PGM1: variants seen among roughly 807,000 people sequenced by gnomAD.
The protein encoded by PGM1 is phosphoglucomutase 1, also known as phosphoglucomutase-1.
PGM1 carries 52 observed loss-of-function variants against 55.6 expected under a neutral mutation model. The ratio of observed to expected loss-of-function variants is 0.94; its 90% CI spans 0.75 to 1.18. The LOEUF (loss-of-function observed/expected upper bound fraction) is 1.18, where lower values mean the gene tolerates loss of function less well. PGM1 is among the 50% of genes most tolerant of loss of function. The pLI is 0.00. For synonymous variants in PGM1, 287 were observed against 271.7 expected, an observed-to-expected ratio of 1.06 and a Z score of -0.55; for missense variants, 724 against 729.3, an observed-to-expected ratio of 0.99 and a Z score of 0.08.
chr1:63,623,329 G>C (rs1648932911), intron 1 of PGM1: 1 of 1,496,634 alleles, frequency 6.7e-7, no homozygotes, highest in Admixed American at 2.4e-5. Flanking sequence ...CATTGAGAGT[G>C]ATCGTCCATG....
intron 7 of PGM1, among the ~76,000 whole-genome samples, chr1:63,644,985 G>A (rs959801462): frequency 6.6e-6 from 1 of 152,308 alleles, no homozygotes; most frequent in South Asian, 2.1e-4. Flanking sequence ...TTAGAAACAC[G>A]TACCTGCACC....
intron 4 of PGM1, among the ~76,000 whole-genome samples, 191 bp downstream of exon 4, chr1:63,631,973 C>G (rs1221031655): frequency 6.6e-6 from 1 of 152,194 alleles, no homozygotes; most frequent in East Asian, 1.9e-4. Flanking sequence ...AGTAGAGACA[C>G]TCCTCGTGGT....
chr1:63,610,142 A>G (rs1266384644), intron 1 of PGM1, among the ~76,000 whole-genome samples: 1 of 152,244 alleles, frequency 6.6e-6, no homozygotes, highest in Non-Finnish European at 1.5e-5. Context: ...ATTCCAATAT[A>G]TGCTATATCA....
chr1:63,593,870 C>T, intron 1 of PGM1, 136 bp downstream of exon 1: 1 of 1,290,866 alleles, frequency 7.7e-7, no homozygotes, highest in Non-Finnish European at 9.7e-7. Context: ...TCCTCCCTCT[C>T]CTTCGCGCTC....
At position 63,634,939 on chromosome 1, in the gene PGM1, A is replaced by T; in HGVS notation, c.793A>T (p.Asn265Tyr). The T allele has an allele frequency of 1.2e-6, 2 of 1,614,044 alleles. No individual in the cohort carries two copies. The highest frequency in any genetic ancestry group is 1.7e-6 in the Non-Finnish European group (2 of 1,180,000). Reference sequence around the variant, plus strand: ...CTTTGGAGGCCACCACCCTGACCCCAACCTCACCTATGCAGCTGACCTGGT... The same window carrying T: ...CTTTGGAGGCCACCACCCTGACCCCTACCTCACCTATGCAGCTGACCTGGT... The part of the protein sequence containing the change: ...EDFGGHHPDP[N>Y]LTYAADLVET... The change falls in exon 5 of 11, where the codon AAC becomes TAC. Residue 265 changes from asparagine (N) to tyrosine (Y), a missense_variant. By Grantham distance (143) the Asn-to-Tyr change is moderately radical. Coordinates refer to ENST00000371084, the MANE Select transcript of PGM1 (RefSeq NM_002633.3).
rs397515423 is a variant in PGM1 at position 63,654,374 on chromosome 1, C to T, written c.1507C>T (p.Arg503Ter). 1.1e-5 allele frequency: 18 copies of T among 1,613,832 alleles called. No individual in the cohort carries two copies. Among genetic ancestry groups the T allele is most frequent in the East Asian group, 2.2e-5 (1 of 44,884 alleles). ...IFTDGSRIVF[R>*]LSGTGSAGAT... ...CACAGATGGTTCTCGAATCGTCTTC[C>T]GACTGAGCGGCACTGGGAGTGCCGG... is the stretch of plus-strand genomic sequence containing the variant. Residue 503 changes from arginine (R) to a stop codon, truncating the protein, a stop_gained, in exon 10 of 11, where the codon CGA becomes TGA. Coordinates refer to ENST00000371084, the MANE Select transcript of PGM1 (RefSeq NM_002633.3). LOFTEE classifies it high-confidence loss of function.
chr1:63,599,305 A>G (rs574140018), intron 1 of PGM1, among the ~76,000 whole-genome samples: 2 of 152,184 alleles, frequency 1.3e-5, no homozygotes, highest in Admixed American at 6.5e-5. Flanking sequence ...AGGTGGGACT[A>G]CAGGCGTGCA....
intron 7 of PGM1, among the ~76,000 whole-genome samples, chr1:63,647,236 C>T: frequency 7.7e-6 from 1 of 130,338 alleles, no homozygotes; most frequent in African/African-American, 2.8e-5. Context: ...GAGCGAAACT[C>T]CGTCTCAAAA....
Position 63,634,855 on chromosome 1 carries a change from C to G in PGM1, c.709C>G (p.Leu237Val). ...GVVGPYVKKI[L>V]CEELGAPANS... ...TGTGGGACCGTATGTAAAGAAGATC[C>G]TCTGTGAAGAACTCGGTGCCCCTGC... The change falls in exon 5 of 11, where the codon CTC (leucine) becomes GTC (valine). Residue 237 changes from leucine (L) to valine (V), a missense_variant. Coordinates refer to ENST00000371084, the MANE Select transcript of PGM1 (RefSeq NM_002633.3). The G allele has an allele frequency of 6.2e-7, 1 of 1,613,502 alleles. No individual in the cohort carries two copies.
chr1:63,654,250 A>T lies in PGM1; in HGVS notation c.1465-82A>T. ...AATGAACAAGTATGGATGAAATTAC[A>T]TCCCCAAATAGACCCCTCATAATTT... On this transcript the variant is annotated intron_variant, in intron 9 of 10. Transcript: ENST00000371084. The T allele has an allele frequency of 2.4e-5, 33 of 1,358,640 alleles. No individual in the cohort carries two copies. The South Asian group carries it at 3.9e-4, about 16-fold the overall frequency. 84.2% of individuals were successfully genotyped at this position (1,358,640 alleles called of 1,614,324 possible). A position where few individuals can be genotyped will look rare whatever the true frequency, so the allele number is the denominator to read the frequency against.
intron 1 of PGM1, among the ~76,000 whole-genome samples, chr1:63,613,706 T>C (rs899838721): frequency 6.7e-6 from 1 of 148,332 alleles, no homozygotes; most frequent in Non-Finnish European, 1.5e-5. Flanking sequence ...AATGTATCTT[T>C]TTTTTTTTTT....
At chr1:63,597,509 C>G (rs1240626227) in intron 1 of PGM1, among the ~76,000 whole-genome samples, 1 of 152,188 alleles carries the variant, frequency 6.6e-6, no homozygotes, top group Non-Finnish European at 1.5e-5. Context: ...ATGAGCCACC[C>G]AGATGGTCTC....
chr1:63,622,736 C>G (rs1457916371), intron 1 of PGM1, among the ~76,000 whole-genome samples: 1 of 152,158 alleles, frequency 6.6e-6, no homozygotes, highest in Non-Finnish European at 1.5e-5. Flanking sequence ...ACACTGTTTT[C>G]TTAAATCTTT....
intron 7 of PGM1, among the ~76,000 whole-genome samples, chr1:63,639,017 G>A (rs939342939): frequency 9.9e-5 from 15 of 152,138 alleles, no homozygotes; most frequent in Non-Finnish European, 1.8e-4. Flanking sequence ...GGATCATATC[G>A]ACTCAGACAG....
intron 9 of PGM1, 123 bp from the exon 10 acceptor site, chr1:63,654,209 A>G: frequency 6.1e-6 from 6 of 988,820 alleles, no homozygotes; most frequent in Non-Finnish European, 9.7e-6. Context: ...GCCATTTATC[A>G]AGGATTTAAC....
chr1:63,602,270 C>A (rs539159421), intron 1 of PGM1, among the ~76,000 whole-genome samples: 1 of 152,200 alleles, frequency 6.6e-6, no homozygotes, highest in South Asian at 2.1e-4. Flanking sequence ...TAAAAGGACC[C>A]CAAACAGAAG....
rs1234407752 is a variant in PGM1 at position 63,593,418 on chromosome 1, C to A, written c.-71C>A. The A allele has an allele frequency of 1.9e-6, 3 of 1,604,984 alleles. No homozygotes were observed. The highest frequency in any genetic ancestry group is 1.1e-5 in the South Asian group (1 of 89,956). ...CCGCCGTGCCCTCACCCCAGAGCAG[C>A]TGCAGCCTCAGCCGGCCGCCCCTCC... On this transcript the variant is annotated 5_prime_UTR_variant, in exon 1 of 11. It adds an upstream start codon to the 5' untranslated region. Coordinates refer to ENST00000371084, the MANE Select transcript of PGM1 (RefSeq NM_002633.3).
At chr1:63,604,189 C>T (rs887789166) in intron 1 of PGM1, among the ~76,000 whole-genome samples, 3 of 152,184 alleles carry the variant, frequency 2.0e-5, no homozygotes, top group East Asian at 1.9e-4. Flanking sequence ...ATGTACACCA[C>T]GTAGCCTATA....
intron 3 of PGM1, among the ~76,000 whole-genome samples, chr1:63,631,316 C>G (rs1465839450): frequency 6.6e-6 from 1 of 152,216 alleles, no homozygotes; most frequent in Non-Finnish European, 1.5e-5. Flanking sequence ...TGGGGAAGCA[C>G]TGTGGTGGCA....
Sources: allele counts gnomAD v4.1 joint callset (sites outside exome capture counted in the v4.1 genomes callset), GRCh38; gene constraint gnomAD v4.1.1; transcripts MANE v1.5; gene names NCBI Gene and HGNC (gene_info 2026-07-23, HGNC 2026-07-21).